The following PROM1 variants were observed in gnomAD, a reference collection of about 807,000 sequenced individuals.
PROM1 encodes prominin-1.
A neutral mutation model predicts 116.9 loss-of-function variants in PROM1; 105 were observed. The ratio of observed to expected loss-of-function variants is 0.90; its 90% CI spans 0.77 to 1.06. The LOEUF (loss-of-function observed/expected upper bound fraction) is 1.06, where lower values mean the gene tolerates loss of function less well. Among genes scored for constraint, PROM1 ranks in the 50% least tolerant of loss-of-function variants. PROM1 has a pLI of 0.00. For synonymous variants in PROM1, 393 were observed against 387.0 expected (o/e 1.02, Z -0.18); for missense variants, 1,122 against 1,045.2 (o/e 1.07, Z -1.01).
At chr4:16,082,256 G>A (rs533743877) in intron 1 of PROM1, 1 of 152,196 alleles carries the variant, frequency 6.6e-6, no homozygotes, top group East Asian at 1.9e-4. Context: ...TGAATCATAT[G>A]AGGTTGACGA....
chr4:15,984,485 A>G, intron 22 of PROM1, 130 bp from the exon 23 acceptor site: 1 of 596,934 alleles, frequency 1.7e-6, no homozygotes, highest in Non-Finnish European at 2.8e-6. Flanking sequence ...GGGGTCCCCA[A>G]CTCCTGGGTC....
intron 15 of PROM1, among the ~76,000 whole-genome samples, chr4:15,998,161 G>C (rs540556286): frequency 2.0e-5 from 3 of 152,198 alleles, no homozygotes; most frequent in Non-Finnish European, 4.4e-5. Context: ...GATTATTGGA[G>C]AGCGAGACCT....
Position 15,980,542 on chromosome 4 carries a change from GAAA to G in PROM1, c.2374-8_2374-6del, listed in dbSNP as rs370477050. ...TATGCCAAACCAAAACAAATTCTAG[GAAA>G]AAAAAATCAGAAGAATTAAATGTTT... On this transcript the variant is annotated splice_polypyrimidine_tract_variant and splice_region_variant and intron_variant, in intron 23 of 27. Transcript: ENST00000447510. The G allele has an allele frequency of 6.8e-7, 1 of 1,462,262 alleles. No homozygotes were observed. Among genetic ancestry groups the G allele is most frequent in the Non-Finnish European group, 9.2e-7 (1 of 1,083,572 alleles). 90.6% of individuals were successfully genotyped at this position (1,462,262 alleles called of 1,614,324 possible). A position where few individuals can be genotyped will look rare whatever the true frequency, so the allele number is the denominator to read the frequency against.
chr4:16,035,817 A>C, intron 3 of PROM1, 56 bp from the exon 4 acceptor site: 1 of 1,539,190 alleles, frequency 6.5e-7, no homozygotes, highest in South Asian at 1.1e-5. Context: ...CATCAAGAAA[A>C]CAGACAGAAA....
chr4:16,070,003 A>G (rs1045309078), intron 2 of PROM1, among the ~76,000 whole-genome samples: 1 of 152,226 alleles, frequency 6.6e-6, no homozygotes, highest in Non-Finnish European at 1.5e-5. Context: ...GGTAAGACTC[A>G]GCTACTTGTT....
At chr4:16,026,338 T>G (rs564869718) in intron 5 of PROM1, among the ~76,000 whole-genome samples, 7 of 152,080 alleles carry the variant, frequency 4.6e-5, no homozygotes, top group Admixed American at 2.0e-4. Flanking sequence ...ATTGCCAAGG[T>G]TCTGTTGAAT....
intron 1 of PROM1, chr4:16,079,214 G>C (rs929713529): frequency 7.2e-5 from 11 of 152,222 alleles, no homozygotes; most frequent in African/African-American, 2.7e-4. Flanking sequence ...GCCCAGGACA[G>C]AGAGAAACTG....
At chr4:16,032,966 C>T (rs10939649) in intron 5 of PROM1, among the ~76,000 whole-genome samples, 102,615 of 152,004 alleles carry the variant, frequency 0.68, 35,256 homozygotes, top group Middle Eastern at 0.79. Flanking sequence ...ATGCTGCCTG[C>T]CTGCAAATAG....
At chr4:16,080,014 A>AAAAG (rs1312961219) in intron 1 of PROM1, 7 of 140,602 alleles carry the variant, frequency 5.0e-5, no homozygotes, top group Non-Finnish European at 1.0e-4. Flanking sequence ...GTCTCTACAA[A>AAAAG]AAAAAAAAAA....
At chr4:16,024,703 GTGTGTGTGTA>G (rs1560513731) in intron 6 of PROM1, among the ~76,000 whole-genome samples, 1 of 151,866 alleles carries the variant, frequency 6.6e-6, no homozygotes, top group Admixed American at 6.6e-5. Context: ...ATGTGTACGT[GTGTGTGTGTA>G]TGTGTGTGTG....
intron 27 of PROM1, among the ~76,000 whole-genome samples, chr4:15,969,648 G>A (rs562469282): frequency 2.0e-5 from 3 of 152,160 alleles, no homozygotes; most frequent in Non-Finnish European, 4.4e-5. Context: ...GTGCAATGGC[G>A]CGATCTCAGC....
rs554944774 is a variant in PROM1, at chr4:16,019,941, G to A, written c.785-1401C>T. Among the ~76,000 whole-genome samples, 6 of 151,882 alleles carry A rather than the reference G, an allele frequency of 4.0e-5. No individual in the cohort carries two copies. In the East Asian group the frequency reaches 9.6e-4, roughly 24 times the overall value. On this transcript the variant is annotated intron_variant, in intron 8 of 27. Coordinates refer to ENST00000447510, the MANE Select transcript of PROM1 (RefSeq NM_006017.3). ...TGTTGAGTCTAGCCAAAAGTAGCCC[G>A]AGGTTGCATCCCAGTTCTGCTTCTA... is the stretch of plus-strand genomic sequence containing the variant.
chr4:16,024,780 A>T (rs1444468856), intron 6 of PROM1, among the ~76,000 whole-genome samples: 5 of 152,192 alleles, frequency 3.3e-5, no homozygotes, highest in Non-Finnish European at 7.3e-5. Flanking sequence ...CTATGCAGAC[A>T]TTAGCAAATG....
intron 5 of PROM1, among the ~76,000 whole-genome samples, chr4:16,032,517 G>T (rs1421395461): frequency 6.6e-6 from 1 of 152,182 alleles, no homozygotes; most frequent in Non-Finnish European, 1.5e-5. Context: ...AACCCTTGCT[G>T]TGCCTTCATG....
intron 2 of PROM1, among the ~76,000 whole-genome samples, chr4:16,070,506 T>C (rs939038718): frequency 1.3e-5 from 2 of 152,224 alleles, no homozygotes; most frequent in Non-Finnish European, 2.9e-5. Flanking sequence ...GTTAGCATGA[T>C]TGAGTCCATT....
intron 13 of PROM1, among the ~76,000 whole-genome samples, chr4:16,005,242 C>T (rs1459160251): frequency 2.0e-5 from 3 of 152,186 alleles, no homozygotes; most frequent in Non-Finnish European, 4.4e-5. Context: ...GGATTACAGG[C>T]GTGAGCCATC....
At chr4:15,984,178 AAAT>A (rs1458119120) in intron 23 of PROM1, 82 bp downstream of exon 23, 3 of 1,128,800 alleles carry the variant, frequency 2.7e-6, no homozygotes, top group Non-Finnish European at 3.9e-6. Context: ...AGCAGAAAAC[AAAT>A]ATTATAATGT....
At chr4:16,078,988 A>T (rs3893357) in intron 1 of PROM1, among the ~76,000 whole-genome samples, 115,367 of 151,976 alleles carry the variant, frequency 0.76, 43,922 homozygotes, top group Non-Finnish European at 0.79. Context: ...GGTTACGCCC[A>T]CCGTCACATC....
At chr4:16,054,076 A>G (rs1443628078) in intron 2 of PROM1, among the ~76,000 whole-genome samples, 1 of 152,240 alleles carries the variant, frequency 6.6e-6, no homozygotes, top group Non-Finnish European at 1.5e-5. Flanking sequence ...CCTGGGTGAC[A>G]GTGCAAGACT....
Sources: gnomAD v4.1 joint callset for allele counts (sites outside exome capture counted in the v4.1 genomes callset) on GRCh38, gnomAD v4.1.1 for gene constraint, MANE v1.5 for transcripts, NCBI Gene and HGNC (gene_info 2026-07-23, HGNC 2026-07-21) for gene names.